The following DYM variants were observed in gnomAD, a reference collection of about 807,000 sequenced individuals.
DYM encodes the protein dymeclin, also known as dyggve-Melchior-Clausen syndrome protein.
A neutral mutation model predicts 93.1 loss-of-function variants in DYM; 78 were observed. The ratio of observed to expected loss-of-function variants is 0.84; its 90% confidence interval spans 0.70 to 1.01. The LOEUF is 1.01. Ranked by LOEUF, DYM falls within the 50% of genes least tolerant of loss-of-function variation. The pLI is 0.00. For synonymous variants in DYM, 321 were observed against 319.7 expected, an observed-to-expected ratio of 1.00 and a Z score of -0.04; for missense variants, 789 against 845.0, an observed-to-expected ratio of 0.93 and a Z score of 0.82.
intron 10 of DYM, among the ~76,000 whole-genome samples, chr18:49,277,403 T>C (rs868282236): frequency 1.4e-4 from 21 of 152,174 alleles, no homozygotes; most frequent in Middle Eastern, 6.8e-3. Context: ...GCAGTAGGCA[T>C]AGAGGTGGAA....
At chr18:49,091,956 T>C (rs1345405246) in intron 17 of DYM, among the ~76,000 whole-genome samples, 1 of 152,144 alleles carries the variant, frequency 6.6e-6, no homozygotes. Flanking sequence ...TAAATAATAC[T>C]GGATCATTAA....
intron 10 of DYM, among the ~76,000 whole-genome samples, chr18:49,277,511 AC>A (rs1390629112): frequency 6.6e-6 from 1 of 152,086 alleles, no homozygotes; most frequent in Admixed American, 6.5e-5. Flanking sequence ...TAAAACCCTA[AC>A]CCACAATGGG....
intron 8 of DYM, among the ~76,000 whole-genome samples, chr18:49,326,933 T>C (rs2062922572): frequency 6.6e-6 from 1 of 151,558 alleles, no homozygotes; most frequent in South Asian, 2.1e-4. Context: ...CATTAAAGTA[T>C]TTAGGAGTAA....
At chr18:49,155,829 C>A (rs1275306795) in intron 15 of DYM, among the ~76,000 whole-genome samples, 1 of 152,176 alleles carries the variant, frequency 6.6e-6, no homozygotes, top group Non-Finnish European at 1.5e-5. Flanking sequence ...ATGGACACTT[C>A]AGTTGTTTCC....
intron 8 of DYM, among the ~76,000 whole-genome samples, chr18:49,313,634 G>A (rs1286573078): frequency 6.6e-6 from 1 of 151,980 alleles, no homozygotes; most frequent in Non-Finnish European, 1.5e-5. Flanking sequence ...GCAGCCCTCA[G>A]GACTGCTCTG....
At chr18:49,126,872 A>G (rs145665347) in intron 15 of DYM, among the ~76,000 whole-genome samples, 6 of 152,364 alleles carry the variant, frequency 3.9e-5, no homozygotes, top group Admixed American at 3.3e-4. Context: ...CAAAGAACTC[A>G]GAACTCATGT....
intron 11 of DYM, among the ~76,000 whole-genome samples, chr18:49,265,058 G>A (rs2094548151): frequency 6.6e-6 from 1 of 152,166 alleles, no homozygotes; most frequent in African/African-American, 2.4e-5. Context: ...CTAGTCTCAA[G>A]CCTATGTGGG....
chr18:49,221,358 G>C (rs1377504711), intron 13 of DYM, among the ~76,000 whole-genome samples: 3 of 152,130 alleles, frequency 2.0e-5, no homozygotes, highest in Admixed American at 6.5e-5. Flanking sequence ...CGATTCCTCA[G>C]GGATCTAGAA....
intron 2 of DYM, among the ~76,000 whole-genome samples, chr18:49,403,194 G>C (rs1412123634): frequency 6.6e-6 from 1 of 152,182 alleles, no homozygotes; most frequent in African/African-American, 2.4e-5. Flanking sequence ...GCACTGAGCA[G>C]GAGGGGAGTA....
chr18:49,445,591 A>G (rs1157073204), intron 1 of DYM, among the ~76,000 whole-genome samples: 2 of 152,220 alleles, frequency 1.3e-5, no homozygotes, highest in African/African-American at 2.4e-5. Flanking sequence ...AGATTTTAAT[A>G]TATTAATAGT....
intron 9 of DYM, 63 bp from the exon 10 acceptor site, chr18:49,282,238 G>A (rs1478017820): frequency 8.5e-6 from 12 of 1,409,256 alleles, no homozygotes; most frequent in Middle Eastern, 3.5e-4. Context: ...TAAAAATATT[G>A]TTAAAGTAAT....
At chr18:49,100,548 C>T (rs910732628) in intron 16 of DYM, among the ~76,000 whole-genome samples, 2 of 152,152 alleles carry the variant, frequency 1.3e-5, no homozygotes, top group African/African-American at 4.8e-5. Flanking sequence ...CTTTTTCAAA[C>T]TGGTTCTCAT....
chr18:49,329,843 G>C (rs1442104761), intron 8 of DYM: 1 of 152,174 alleles, frequency 6.6e-6, no homozygotes, highest in African/African-American at 2.4e-5. Flanking sequence ...TTTACATTTG[G>C]CTTTGGAATA....
At chr18:49,414,415 T>C (rs1175870781) in intron 2 of DYM, among the ~76,000 whole-genome samples, 1 of 152,208 alleles carries the variant, frequency 6.6e-6, no homozygotes, top group Non-Finnish European at 1.5e-5. Context: ...ATAAAATCTT[T>C]CCATATTATA....
intron 8 of DYM, among the ~76,000 whole-genome samples, chr18:49,323,286 G>C (rs1233140603): frequency 6.6e-6 from 1 of 152,168 alleles, no homozygotes; most frequent in Non-Finnish European, 1.5e-5. Context: ...CCACTAAGCA[G>C]AGCTGTGGTT....
At chr18:49,076,893 G>A (rs1047283179) in intron 17 of DYM, among the ~76,000 whole-genome samples, 1 of 152,108 alleles carries the variant, frequency 6.6e-6, no homozygotes, top group Non-Finnish European at 1.5e-5. Flanking sequence ...AGCTTAACTC[G>A]TATATAGTTC....
chr18:49,188,239 C>T (rs2090633784), intron 14 of DYM, among the ~76,000 whole-genome samples: 1 of 152,176 alleles, frequency 6.6e-6, no homozygotes. Context: ...TTAACACAAA[C>T]TGACTTGGTT....
At chr18:49,251,560 G>C (rs2144975821) in intron 13 of DYM, among the ~76,000 whole-genome samples, 1 of 152,300 alleles carries the variant, frequency 6.6e-6, no homozygotes, top group East Asian at 1.9e-4. Context: ...GAGATACCCA[G>C]GTGGTGAACC....
rs144446446 is a variant in DYM at position 49,281,868 on chromosome 18, G to C, written c.1125+129C>G. The C allele has an allele frequency of 4.7e-6, 4 of 847,552 alleles. No individual in the cohort carries two copies. The South Asian group carries it at 5.4e-5, about 11-fold the overall frequency. The allele number at this position is 847,552 out of a possible 1,614,324, so 52.5% of individuals were successfully genotyped here. ...ACCTAATGTTAAATGACGAGTTCCT[G>C]GGTGCAGCACACCAACATGGCACAT... On this transcript the variant is annotated intron_variant, in intron 10 of 17. Transcript: ENST00000675505.
Sources: allele counts gnomAD v4.1 joint callset (sites outside exome capture counted in the v4.1 genomes callset), GRCh38; gene constraint gnomAD v4.1.1; transcripts MANE v1.5; gene names NCBI Gene and HGNC (gene_info 2026-07-23, HGNC 2026-07-21).